Variants in DLGAP2 observed in about 807,000 individuals in gnomAD.
DLGAP2 encodes the protein DLG associated protein 2.
DLGAP2 carries 26 observed loss-of-function variants against 100.3 expected under a neutral mutation model. The observed-to-expected ratio is 0.26, with a 90% CI of 0.19 to 0.36. The LOEUF (loss-of-function observed/expected upper bound fraction) is 0.36, where lower values mean the gene tolerates loss of function less well. Among genes scored for constraint, DLGAP2 ranks in the 10% least tolerant of loss-of-function variants. The probability of loss-of-function intolerance (pLI) is 1.00; values close to 1 mark genes in which losing one functional copy is unlikely to be tolerated. For missense variants in DLGAP2, 1,858 were observed against 1,453.2 expected (o/e 1.28, Z -4.53); for synonymous variants, 886 against 630.1 (o/e 1.41, Z -6.08).
chr8:772,942 T>C (rs4735919), intron 1 of DLGAP2, among the ~76,000 whole-genome samples: 32,527 of 152,170 alleles, frequency 0.21, 4,220 homozygotes, highest in Admixed American at 0.4. Flanking sequence ...CCCAGATGCA[T>C]TGAGCCATCA....
At chr8:1,452,266 C>CCA (rs1798183903) in intron 3 of DLGAP2, among the ~76,000 whole-genome samples, 1 of 152,140 alleles carries the variant, frequency 6.6e-6, no homozygotes, top group Non-Finnish European at 1.5e-5. Flanking sequence ...TGTTCTGTGG[C>CCA]TGGGTGTTCT....
At chr8:786,388 A>C (rs1821867627) in intron 1 of DLGAP2, among the ~76,000 whole-genome samples, 1 of 152,072 alleles carries the variant, frequency 6.6e-6, no homozygotes, top group African/African-American at 2.4e-5. Flanking sequence ...TCTTCCGGGG[A>C]CAGCCACCAT....
chr8:1,497,691 A>T (rs972748393), intron 3 of DLGAP2, among the ~76,000 whole-genome samples: 6 of 152,208 alleles, frequency 3.9e-5, no homozygotes, highest in African/African-American at 1.4e-4. Context: ...TGTCCAGGCG[A>T]ACAGGGTTCT....
chr8:821,866 G>A (rs1171902244), intron 1 of DLGAP2, among the ~76,000 whole-genome samples: 1 of 152,182 alleles, frequency 6.6e-6, no homozygotes, highest in Admixed American at 6.5e-5. Context: ...CATACATCCT[G>A]GATCCACGCA....
rs571542997 is a variant in DLGAP2, at chr8:1,083,465, A to G, written c.74-175386A>G. On this transcript the variant is annotated intron_variant, in intron 2 of 14. Coordinates refer to ENST00000637795, the MANE Select transcript of DLGAP2 (RefSeq NM_001346810.2). ...GTCATTTTAACTTTTATGACGTTCGAGTTTGTGTTGACCTTTTAGTGCCCA... is the reference window on the plus strand; with the variant it reads ...GTCATTTTAACTTTTATGACGTTCGGGTTTGTGTTGACCTTTTAGTGCCCA... Among the ~76,000 whole-genome samples the G allele has an allele frequency of 5.3e-5, 8 of 152,320 alleles. No homozygotes were observed. The South Asian group carries it at 1.7e-3, about 32-fold the overall frequency.
At chr8:1,050,218 T>A (rs4735974) in intron 2 of DLGAP2, among the ~76,000 whole-genome samples, 1 of 152,038 alleles carries the variant, frequency 6.6e-6, no homozygotes, top group Admixed American at 6.5e-5. Context: ...TGTAAATACC[T>A]ACAGTCCCCG....
chr8:1,330,188 C>T (rs1389643052), intron 3 of DLGAP2, among the ~76,000 whole-genome samples: 1 of 151,434 alleles, frequency 6.6e-6, no homozygotes, highest in Non-Finnish European at 1.5e-5. Context: ...TGCTGACGCC[C>T]AGGGACTGAG....
In DLGAP2 at chr8:1,653,207, G is replaced by A. The variant is rs143926045; in HGVS notation, c.1811-15122G>A. ...GTAGGGAGCCGACAATCCTCACCAC[G>A]CAGATGCTGCCAGGCCTGGAGACAC... On this transcript the variant is annotated intron_variant, in intron 8 of 14. Transcript: ENST00000637795. 3.3e-3 allele frequency among the ~76,000 whole-genome samples: 497 copies of A among 152,122 alleles called. 11 individuals are homozygous for A. Among genetic ancestry groups the A allele is most frequent in the East Asian group, 0.028 (147 of 5,168 alleles).
At chr8:747,587 G>T (rs1218326797) in intron 1 of DLGAP2, among the ~76,000 whole-genome samples, 1 of 135,050 alleles carries the variant, frequency 7.4e-6, no homozygotes, top group African/African-American at 2.8e-5. Flanking sequence ...AGTATGAGGG[G>T]CTCCATGACG....
At chr8:1,347,195 G>T (rs946661678) in intron 3 of DLGAP2, among the ~76,000 whole-genome samples, 6 of 151,820 alleles carry the variant, frequency 4.0e-5, no homozygotes, top group Admixed American at 3.3e-4. Flanking sequence ...CATGGCGGCT[G>T]TGTGGAGGTA....
chr8:984,743 C>T (rs566414884), intron 2 of DLGAP2, among the ~76,000 whole-genome samples: 4 of 152,302 alleles, frequency 2.6e-5, no homozygotes, highest in South Asian at 4.1e-4. Context: ...TCTGTTTTTA[C>T]ATTTTTAATT....
intron 2 of DLGAP2, among the ~76,000 whole-genome samples, chr8:940,122 G>T (rs1428155099): frequency 6.6e-6 from 1 of 152,086 alleles, no homozygotes; most frequent in African/African-American, 2.4e-5. Context: ...ACAGTGGGGC[G>T]TGGGGCGTGG....
chr8:1,046,615 T>A (rs1171472483), intron 2 of DLGAP2, among the ~76,000 whole-genome samples: 1 of 152,232 alleles, frequency 6.6e-6, no homozygotes, highest in African/African-American at 2.4e-5. Context: ...CCAGATGCTG[T>A]TGGAGATGTG....
chr8:832,157 G>A (rs1416387416), intron 1 of DLGAP2, among the ~76,000 whole-genome samples: 1 of 152,166 alleles, frequency 6.6e-6, no homozygotes, highest in Non-Finnish European at 1.5e-5. Context: ...CTCACATTCT[G>A]TAGGTTGCCT....
intron 1 of DLGAP2, among the ~76,000 whole-genome samples, chr8:806,502 A>G (rs920808245): frequency 1.4e-4 from 22 of 152,156 alleles, no homozygotes; most frequent in Non-Finnish European, 1.5e-5. Context: ...CCCCAAAGGG[A>G]GACTGAGGCA....
intron 4 of DLGAP2, among the ~76,000 whole-genome samples, chr8:1,510,605 G>A (rs1017073063): frequency 3.3e-5 from 5 of 152,178 alleles, no homozygotes; most frequent in African/African-American, 7.2e-5. Flanking sequence ...TATGCTTAAC[G>A]CCACAGCAAA....
chr8:1,535,011 C>G (rs188655937), intron 4 of DLGAP2, among the ~76,000 whole-genome samples: 3 of 152,336 alleles, frequency 2.0e-5, no homozygotes, highest in African/African-American at 7.2e-5. Context: ...GTTTTCGTGT[C>G]CCAAGCGTTC....
chr8:1,251,971 G>C (rs1563040583), intron 2 of DLGAP2, among the ~76,000 whole-genome samples: 1 of 152,206 alleles, frequency 6.6e-6, no homozygotes, highest in Non-Finnish European at 1.5e-5. Flanking sequence ...GTCATGTCAT[G>C]TCACACTTGT....
At chr8:1,414,413 G>C (rs1052628650) in intron 3 of DLGAP2, among the ~76,000 whole-genome samples, 1 of 152,220 alleles carries the variant, frequency 6.6e-6, no homozygotes, top group Non-Finnish European at 1.5e-5. Context: ...GAGTCAGGTC[G>C]TGACCCATGG....
Sources: gnomAD v4.1 joint callset for allele counts (sites outside exome capture counted in the v4.1 genomes callset) on GRCh38, gnomAD v4.1.1 for gene constraint, MANE v1.5 for transcripts, NCBI Gene and HGNC (gene_info 2026-07-23, HGNC 2026-07-21) for gene names.